GRM8: variants seen among roughly 807,000 people sequenced by gnomAD.
The protein encoded by GRM8 is glutamate metabotropic receptor 8.
In GRM8, 47 loss-of-function variants were observed where a neutral mutation model predicts 87.2. The ratio of observed to expected loss-of-function variants is 0.54; its 90% CI spans 0.43 to 0.69. GRM8 has a LOEUF of 0.69. GRM8 is among the 30% of genes least tolerant of loss of function. The pLI, the probability that GRM8 is intolerant of heterozygous loss-of-function variation, is 0.00. For missense variants in GRM8, 1,019 were observed against 1,139.2 expected (o/e 0.89, Z 1.52); for synonymous variants, 396 against 404.5 (o/e 0.98, Z 0.25).
chr7:126,651,178 T>C (rs1383589249), intron 7 of GRM8, among the ~76,000 whole-genome samples: 1 of 152,204 alleles, frequency 6.6e-6, no homozygotes, highest in Non-Finnish European at 1.5e-5. Context: ...CGGTCCACTG[T>C]CATGGTATCC....
At chr7:127,189,342 C>T (rs1211150154) in intron 2 of GRM8, among the ~76,000 whole-genome samples, 2 of 152,116 alleles carry the variant, frequency 1.3e-5, no homozygotes, top group South Asian at 2.1e-4. Context: ...TTATTTAGGA[C>T]TGGCCAGAGG....
chr7:126,858,296 A>T (rs1160727399), intron 6 of GRM8, among the ~76,000 whole-genome samples: 1 of 152,104 alleles, frequency 6.6e-6, no homozygotes, highest in African/African-American at 2.4e-5. Flanking sequence ...TAAACACTTA[A>T]ATCAGGTCAC....
At chr7:126,969,522 T>C (rs1464346395) in intron 3 of GRM8, among the ~76,000 whole-genome samples, 1 of 152,212 alleles carries the variant, frequency 6.6e-6, no homozygotes, top group Non-Finnish European at 1.5e-5. Flanking sequence ...CCATTCAAGT[T>C]TTATGAGATT....
Position 126,867,732 on chromosome 7 carries a change from G to T in GRM8, c.1156+34810C>A, listed in dbSNP as rs574405315. ...AAGCCAGAGAAGAACAGAAATGAGA[G>T]GACAGAGGTGAAAGGAGGAGACAAG... On this transcript the variant is annotated intron_variant, in intron 6 of 10. Coordinates refer to ENST00000339582, the MANE Select transcript of GRM8 (RefSeq NM_000845.3). Among the ~76,000 whole-genome samples the T allele has an allele frequency of 2.8e-4, 43 of 152,146 alleles. 1 individual carries two copies. The highest frequency in any genetic ancestry group is 8.9e-4 in the African/African-American group (37 of 41,508).
chr7:126,576,796 G>A (rs924416778), intron 8 of GRM8, among the ~76,000 whole-genome samples: 2 of 152,076 alleles, frequency 1.3e-5, no homozygotes, highest in Non-Finnish European at 2.9e-5. Context: ...ATGAGCTCCA[G>A]TCTGACTGCA....
chr7:127,128,795 G>GA (rs1476448838), intron 2 of GRM8, among the ~76,000 whole-genome samples: 2 of 152,048 alleles, frequency 1.3e-5, no homozygotes, highest in Admixed American at 6.5e-5. Flanking sequence ...AATAAGCAGG[G>GA]AAAAAAATGT....
At chr7:126,624,755 G>A (rs894050164) in intron 7 of GRM8, among the ~76,000 whole-genome samples, 4 of 152,156 alleles carry the variant, frequency 2.6e-5, no homozygotes, top group Admixed American at 1.3e-4. Context: ...GTGAGCACAC[G>A]TGATATGCAC....
Position 126,668,303 on chromosome 7 carries a change from A to G in GRM8, c.1358-58805T>C, listed in dbSNP as rs1308219991. Reference sequence around the variant, plus strand: ...GGACAAGGACCCCATCGCTAGCTGAACTAAGGAAAAGTCCTGAAACATTTT... The same window carrying G: ...GGACAAGGACCCCATCGCTAGCTGAGCTAAGGAAAAGTCCTGAAACATTTT... On this transcript the variant is annotated intron_variant, in intron 7 of 10. Transcript: ENST00000339582. Among the ~76,000 whole-genome samples the G allele has an allele frequency of 3.9e-5, 6 of 152,278 alleles. No homozygotes were observed. In the East Asian group the frequency reaches 9.7e-4, roughly 25 times the overall value.
chr7:127,246,691 C>T (rs1587369931), intron 1 of GRM8, among the ~76,000 whole-genome samples: 1 of 152,180 alleles, frequency 6.6e-6, no homozygotes, highest in South Asian at 2.1e-4. Flanking sequence ...GGCTGGACCC[C>T]GAGCCTGTAT....
intron 9 of GRM8, among the ~76,000 whole-genome samples, chr7:126,459,654 C>T (rs1308345961): frequency 2.6e-5 from 4 of 151,434 alleles, no homozygotes; most frequent in Admixed American, 6.6e-5. Context: ...CTTTTCCCAA[C>T]GTGCTGAAAA....
intron 7 of GRM8, among the ~76,000 whole-genome samples, chr7:126,704,277 A>G (rs1305880175): frequency 6.6e-6 from 1 of 152,146 alleles, no homozygotes. Flanking sequence ...ATGGACACTT[A>G]TCACTTCCCC....
chr7:126,795,750 G>A (rs1021030413), intron 6 of GRM8, among the ~76,000 whole-genome samples: 2 of 151,922 alleles, frequency 1.3e-5, no homozygotes, highest in Non-Finnish European at 1.5e-5. Flanking sequence ...GTGGATAAAC[G>A]CAGGCACAAA....
At chr7:126,881,090 A>T (rs1476630191) in intron 6 of GRM8, among the ~76,000 whole-genome samples, 3 of 152,156 alleles carry the variant, frequency 2.0e-5, no homozygotes, top group Non-Finnish European at 2.9e-5. Context: ...TCTTTGATAT[A>T]TTTTCATATG....
intron 3 of GRM8, among the ~76,000 whole-genome samples, chr7:126,924,795 G>A (rs1025631424): frequency 4.6e-5 from 7 of 152,098 alleles, no homozygotes; most frequent in African/African-American, 1.7e-4. Flanking sequence ...ATGTATATAA[G>A]AAGTTGAATG....
intron 3 of GRM8, among the ~76,000 whole-genome samples, chr7:127,088,879 C>T (rs1823765904): frequency 6.6e-6 from 1 of 152,214 alleles, no homozygotes; most frequent in Non-Finnish European, 1.5e-5. Flanking sequence ...AGCACCTTCC[C>T]CAGGCCACAG....
At chr7:126,480,596 T>C (rs1806554482) in intron 9 of GRM8, among the ~76,000 whole-genome samples, 1 of 152,018 alleles carries the variant, frequency 6.6e-6, no homozygotes, top group South Asian at 2.1e-4. Context: ...AATTTCTCAC[T>C]GTGTGAGAAA....
At chr7:126,484,720 T>C (rs1475194959) in intron 9 of GRM8, among the ~76,000 whole-genome samples, 1 of 152,072 alleles carries the variant, frequency 6.6e-6, no homozygotes, top group Non-Finnish European at 1.5e-5. Context: ...TTTGTTTCTT[T>C]AAAACCTCTT....
intron 9 of GRM8, among the ~76,000 whole-genome samples, chr7:126,454,081 T>G (rs1349521743): frequency 6.6e-6 from 1 of 151,772 alleles, no homozygotes; most frequent in African/African-American, 2.4e-5. Flanking sequence ...ATAATAATAT[T>G]TTCAGGTAGA....
intron 7 of GRM8, among the ~76,000 whole-genome samples, chr7:126,669,441 T>G (rs1028576499): frequency 6.6e-6 from 1 of 152,172 alleles, no homozygotes; most frequent in African/African-American, 2.4e-5. Context: ...AGATAAAATC[T>G]ATGGTACCTT....
Sources: allele counts gnomAD v4.1 joint callset (sites outside exome capture counted in the v4.1 genomes callset), GRCh38; gene constraint gnomAD v4.1.1; transcripts MANE v1.5; gene names NCBI Gene and HGNC (gene_info 2026-07-23, HGNC 2026-07-21).